The following MYH7 variants were observed in gnomAD, a reference collection of about 807,000 sequenced individuals.
MYH7 encodes myosin-7.
In MYH7, 129 loss-of-function variants were observed where a neutral mutation model predicts 225.4. The ratio of observed to expected loss-of-function variants is 0.57; its 90% confidence interval spans 0.50 to 0.66. The LOEUF (loss-of-function observed/expected upper bound fraction) is 0.66, where lower values mean the gene tolerates loss of function less well. MYH7 is among the 30% of genes least tolerant of loss of function. The pLI is 0.00. For missense variants in MYH7, 1,649 were observed against 2,517.0 expected (o/e 0.66, Z 7.38); for synonymous variants, 971 against 1,007.6 (o/e 0.96, Z 0.69).
chr14:23,419,473 C>T lies in MYH7; in HGVS notation c.3853+10G>A. ...TGGTGGGAACCATGGAGCCCCTGCTCTAGGCTCACCATTCTCGGTTTGCAA... is the reference window on the plus strand; with the variant it reads ...TGGTGGGAACCATGGAGCCCCTGCTTTAGGCTCACCATTCTCGGTTTGCAA... On this transcript the variant is annotated intron_variant, in intron 28 of 39. Coordinates refer to ENST00000355349, the MANE Select transcript of MYH7 (RefSeq NM_000257.4). The T allele has an allele frequency of 1.2e-6, 2 of 1,613,908 alleles. No individual in the cohort carries two copies. The highest frequency in any genetic ancestry group is 1.7e-6 in the Non-Finnish European group (2 of 1,179,986).
chr14:23,413,221 G>A (rs1195774623), intron 39 of MYH7, among the ~76,000 whole-genome samples: 1 of 152,212 alleles, frequency 6.6e-6, no homozygotes. Flanking sequence ...TATACTGGTT[G>A]TATATAAATT....
In MYH7 at chr14:23,424,864, C is replaced by T; in HGVS notation, c.2584G>A (p.Ala862Thr). Residue 862 changes from alanine (A) to threonine (T), a missense_variant, in exon 22 of 40, where the codon GCG becomes ACG. Transcript: ENST00000355349. ...CGGCGAGCCTCGGACTTCTCTAGCGCCTCTTTGAGGCGTGTGAACTCCTCC... is the reference window on the plus strand; with the variant it reads ...CGGCGAGCCTCGGACTTCTCTAGCGTCTCTTTGAGGCGTGTGAACTCCTCC... ...MKEEFTRLKE[A>T]LEKSEARRKE... The T allele has an allele frequency of 6.2e-7, 1 of 1,614,228 alleles. No homozygotes were observed. The highest frequency in any genetic ancestry group is 8.5e-7 in the Non-Finnish European group (1 of 1,180,028).
intron 24 of MYH7, 111 bp downstream of exon 24, chr14:23,423,436 A>ACACACACACACACACAC (rs1892560389): frequency 1.3e-6 from 1 of 758,392 alleles, no homozygotes; most frequent in Admixed American, 2.1e-5. Flanking sequence ...CATAAACACA[A>ACACACACACACACACAC]ACACACACAC....
chr14:23,412,979 G>T lies in MYH7; in HGVS notation c.5791-108C>A. On this transcript the variant is annotated intron_variant, in intron 39 of 39. Transcript: ENST00000355349. ...GGTCTGATGGTGGGGGGCCTGCTTT[G>T]TGGGCAGGTGGAAGCCCCTGTGGCA... is the stretch of plus-strand genomic sequence containing the variant. 3.6e-6 allele frequency: 4 copies of T among 1,107,152 alleles called. No individual in the cohort carries two copies. In the South Asian group the frequency reaches 3.8e-5, roughly 11 times the overall value. The allele number at this position is 1,107,152 out of a possible 1,614,324, so 68.6% of individuals were successfully genotyped here. A position where few individuals can be genotyped will look rare whatever the true frequency, so the allele number is the denominator to read the frequency against.
chr14:23,418,370 G>A lies in MYH7; in HGVS notation c.4009C>T (p.Arg1337Trp), dbSNP rs763326046. 1.1e-5 allele frequency: 17 copies of A among 1,613,196 alleles called. No individual in the cohort carries two copies. Among genetic ancestry groups the A allele is most frequent in the Admixed American group, 1.7e-5 (1 of 59,972 alleles). ...NALAHALQSA[R>W]HDCDLLREQY... is the part of the protein sequence containing the mutation. ...TCCCGCAGCAGGTCGCAGTCATGCC[G>A]GGCCGACTGCAGTGCGTGGGCCAGG... is the stretch of plus-strand genomic sequence containing the variant. The change falls in exon 30 of 40, where the codon CGG becomes TGG. Residue 1337 changes from arginine to tryptophan, a missense_variant. Coordinates refer to ENST00000355349, the MANE Select transcript of MYH7 (RefSeq NM_000257.4).
chr14:23,417,771 C>T lies in MYH7; in HGVS notation c.4170-85G>A, dbSNP rs543275780. 164 of 1,536,506 alleles carry T rather than the reference C, an allele frequency of 1.1e-4. 1 individual carries two copies. The highest frequency in any genetic ancestry group is 1.3e-4 in the Non-Finnish European group (150 of 1,127,668). On this transcript the variant is annotated intron_variant, in intron 30 of 39. Transcript: ENST00000355349. ...GAAACAACATGAACCTTCTCAAAGA[C>T]AATCCTTGAAACCTCAGAAGTGTAG...
At position 23,418,215 on chromosome 14, in the gene MYH7, C is replaced by A. The variant is rs1595076087; in HGVS notation, c.4164G>T (p.Glu1388Asp). 1.2e-6 allele frequency: 2 copies of A among 1,613,390 alleles called. No individual in the cohort carries two copies. The highest frequency in any genetic ancestry group is 1.7e-6 in the Non-Finnish European group (2 of 1,180,032). Reference sequence around the variant, plus strand: ...TCAGGCTGCTCAGAACTCACTTGGCCTCCTCGAGCTCCTCAGTCCGCTGAA... The same window carrying A: ...TCAGGCTGCTCAGAACTCACTTGGCATCCTCGAGCTCCTCAGTCCGCTGAA... Reference protein sequence around the residue: ...DAIQRTEELEEAKKKLAQRLQ... With the variant: ...DAIQRTEELEDAKKKLAQRLQ... Residue 1388 changes from glutamate to aspartate, a missense_variant, in exon 30 of 40, where the codon GAG becomes GAT. Physicochemically the swap from Glu to Asp is conservative, Grantham distance 45. This residue lies in a region of MYH7 where 687 missense variants were observed against 913.8 expected (regional missense o/e 0.75). Transcript: ENST00000355349.
Position 23,421,035 on chromosome 14 carries a change from G to A in MYH7, c.3259C>T (p.Leu1087=), listed in dbSNP as rs1299689855. 1.3e-5 allele frequency: 21 copies of A among 1,613,032 alleles called. No individual in the cohort carries two copies. The highest frequency in any genetic ancestry group is 1.7e-5 in the Non-Finnish European group (20 of 1,179,956). The part of the protein sequence containing the change: ...DERLKKKDFE[L]NALNARIEDE... ...TCAATCCTTGCGTTGAGAGCATTCA[G>A]CTCAAAGTCTTTTCTGTGGGGAAGG... Residue 1087 remains leucine, a synonymous_variant, in exon 26 of 40, where the codon CTG becomes TTG. Transcript: ENST00000355349.
chr14:23,419,012 G>A (rs1021839588), intron 29 of MYH7, among the ~76,000 whole-genome samples, 165 bp downstream of exon 29: 1 of 152,202 alleles, frequency 6.6e-6, no homozygotes, highest in Non-Finnish European at 1.5e-5. Flanking sequence ...CCTCAGCCTG[G>A]GGAGTAGATG....
At chr14:23,430,151 C>T (rs1338019263) in intron 11 of MYH7, among the ~76,000 whole-genome samples, 3 of 152,292 alleles carry the variant, frequency 2.0e-5, no homozygotes, top group East Asian at 3.9e-4. Context: ...TCAGTGGCCA[C>T]AGCTTTTCTG....
chr14:23,430,536 CT>C (rs1566536318), intron 11 of MYH7, 23 bp downstream of exon 11: 5 of 1,583,704 alleles, frequency 3.2e-6, no homozygotes, highest in Non-Finnish European at 4.3e-6. Context: ...CTCCCACCCC[CT>C]GGCTGGGTCC....
rs367546859 is a variant in MYH7 at position 23,420,993 on chromosome 14, C to T, written c.3301G>A (p.Gly1101Ser). The T allele has an allele frequency of 4.0e-5, 65 of 1,612,386 alleles. No homozygotes were observed. Among genetic ancestry groups the T allele is most frequent in the Non-Finnish European group, 4.9e-5 (58 of 1,180,016 alleles). ...NARIEDEQALGSQLQKKLKEL... is the reference protein window; with the variant it reads ...NARIEDEQALSSQLQKKLKEL... The stretch of plus-strand genomic sequence containing the variant: ...TTGAGCTTCTTCTGCAGCTGGCTGC[C>T]GAGGGCCTGTTCATCCTCAATCCTT... Residue 1101 changes from glycine to serine, a missense_variant, in exon 26 of 40, where the codon GGC becomes AGC. By Grantham distance (56) the Gly-to-Ser change is moderately conservative. Coordinates refer to ENST00000355349, the MANE Select transcript of MYH7 (RefSeq NM_000257.4).
In MYH7 at chr14:23,417,484, G is replaced by A. The variant is rs775679127; in HGVS notation, c.4353+19C>T. ...CCCCTTGCCCTGCATGCTGGCTGCG[G>A]CCCCCACCCAGGGCCCACCTTGTCG... is the stretch of plus-strand genomic sequence containing the variant. On this transcript the variant is annotated intron_variant, in intron 31 of 39. Coordinates refer to ENST00000355349, the MANE Select transcript of MYH7 (RefSeq NM_000257.4). 6.2e-7 allele frequency: 1 copy of A among 1,612,244 alleles called. No homozygotes were observed. Among genetic ancestry groups the A allele is most frequent in the East Asian group, 2.2e-5 (1 of 44,860 alleles).
At position 23,432,679 on chromosome 14, in the gene MYH7, G is replaced by A. The variant is rs1892996559; in HGVS notation, c.462C>T (p.Ile154=). 1 of 1,614,034 alleles carries A rather than the reference G, an allele frequency of 6.2e-7. No individual in the cohort carries two copies. The highest frequency in any genetic ancestry group is 8.5e-7 in the Non-Finnish European group (1 of 1,180,046). The change falls in exon 5 of 40, where the codon ATC becomes ATT. Residue 154 remains isoleucine, a synonymous_variant. Transcript: ENST00000355349. Reference sequence around the variant, plus strand: ...GATAGGCGTTGTCGGAGATGGAGAAGATGTGGGGCGGGGCCTCGCTCCTCT... The same window carrying A: ...GATAGGCGTTGTCGGAGATGGAGAAAATGTGGGGCGGGGCCTCGCTCCTCT... ...GKKRSEAPPH[I]FSISDNAYQY...
At chr14:23,419,690 AAAG>A (rs1204594613) in intron 27 of MYH7, 81 bp from the exon 28 acceptor site, 1 of 1,612,446 alleles carries the variant, frequency 6.2e-7, no homozygotes, top group East Asian at 2.2e-5. Flanking sequence ...CTGAAGGAGA[AAAG>A]AAGAGGGAAG....
Position 23,416,187 on chromosome 14 carries a change from G to T in MYH7, c.4770C>A (p.His1590Gln). Residue 1590 changes from histidine to glutamine, a missense_variant, in exon 34 of 40, where the codon CAC becomes CAA. Coordinates refer to ENST00000355349, the MANE Select transcript of MYH7 (RefSeq NM_000257.4). ...TCTGCAGCGAGTCCACCACCCGCAG[G>T]TGGTTGCGCTTGGCCTGTTCCATCT... ...DEEMEQAKRN[H>Q]LRVVDSLQTS... The T allele has an allele frequency of 6.2e-7, 1 of 1,614,156 alleles. No individual in the cohort carries two copies. Among genetic ancestry groups the T allele is most frequent in the Non-Finnish European group, 8.5e-7 (1 of 1,180,038 alleles).
chr14:23,427,376 C>A, intron 16 of MYH7, 69 bp from the exon 17 acceptor site: 1 of 1,576,028 alleles, frequency 6.3e-7, no homozygotes, highest in African/African-American at 1.3e-5. Context: ...AGAATCACAG[C>A]CCCTCTTTAC....
At position 23,432,428 on chromosome 14, in the gene MYH7, G is replaced by A. The variant is rs768373170; in HGVS notation, c.530+51C>T. The A allele has an allele frequency of 4.8e-5, 78 of 1,610,318 alleles. No homozygotes were observed. The South Asian group carries it at 8.2e-4, about 17-fold the overall frequency. ...GCCTGGGACACCTGATGGGGCTGGA[G>A]GCTGGGATCAGGGAGATTCTGAAAG... On this transcript the variant is annotated intron_variant, in intron 6 of 39. Transcript: ENST00000355349.
Position 23,432,643 on chromosome 14 carries a change from C to T in MYH7, c.498G>A (p.Leu166=). ...SISDNAYQYM[L]TDRENQSILI... ...GACCCTTCCAGGGCCTCTCACCTGTCAGCATGTACTGATAGGCGTTGTCGG... is the reference window on the plus strand; with the variant it reads ...GACCCTTCCAGGGCCTCTCACCTGTTAGCATGTACTGATAGGCGTTGTCGG... The change falls in exon 5 of 40, where the codon CTG becomes CTA. Residue 166 remains leucine (L), a synonymous_variant. Coordinates refer to ENST00000355349, the MANE Select transcript of MYH7 (RefSeq NM_000257.4). 1.2e-6 allele frequency: 2 copies of T among 1,614,178 alleles called. No homozygotes were observed. The highest frequency in any genetic ancestry group is 1.7e-6 in the Non-Finnish European group (2 of 1,180,030).
Sources: gnomAD v4.1 joint callset for allele counts (sites outside exome capture counted in the v4.1 genomes callset) on GRCh38, gnomAD v4.1.1 for gene constraint, gnomAD v4.1.1 regional missense constraint, MANE v1.5 for transcripts, NCBI Gene and HGNC (gene_info 2026-07-23, HGNC 2026-07-21) for gene names.